Variants in PTPRE observed in about 807,000 individuals in gnomAD.
PTPRE encodes protein tyrosine phosphatase receptor type E, also known as receptor-type tyrosine-protein phosphatase epsilon.
Under a neutral mutation model 102.0 loss-of-function variants are expected in PTPRE, and 51 were observed. The observed-to-expected ratio is 0.50, with a 90% CI of 0.40 to 0.63. PTPRE has a LOEUF of 0.63. PTPRE is among the 30% of genes least tolerant of loss of function. PTPRE has a pLI of 0.00. For missense variants in PTPRE, 752 were observed against 915.1 expected, an observed-to-expected ratio of 0.82 and a Z score of 2.30; for synonymous variants, 345 against 348.2, an observed-to-expected ratio of 0.99 and a Z score of 0.10.
At chr10:127,995,840 C>CACAT (rs1328716451) in intron 2 of PTPRE, among the ~76,000 whole-genome samples, 2 of 151,738 alleles carry the variant, frequency 1.3e-5, no homozygotes, top group African/African-American at 2.4e-5. Context: ...CACACACACA[C>CACAT]ACACACACAC....
chr10:127,965,315 CT>C (rs72280254), intron 1 of PTPRE, among the ~76,000 whole-genome samples: 2,430 of 146,810 alleles, frequency 0.017, 39 homozygotes, highest in African/African-American at 0.053. Context: ...ATAGCTCAAT[CT>C]TTTTTTTTTT....
intron 2 of PTPRE, among the ~76,000 whole-genome samples, chr10:128,017,965 G>A (rs555026716): frequency 6.6e-6 from 1 of 152,222 alleles, no homozygotes; most frequent in Admixed American, 6.5e-5. Context: ...ACAGGGACAG[G>A]TGAGGGATAA....
Position 127,907,492 on chromosome 10 carries a change from C to T in PTPRE, c.-31+183C>T, listed in dbSNP as rs1383786371. Among the ~76,000 whole-genome samples, 1 of 151,500 alleles carries T rather than the reference C, an allele frequency of 6.6e-6. No individual in the cohort carries two copies. Among genetic ancestry groups the T allele is most frequent in the East Asian group, 2.0e-4 (1 of 5,084 alleles). The stretch of plus-strand genomic sequence containing the variant: ...GCGCCCAGTACCAGCGGCTGGGGCC[C>T]GTACGACCCCCGACCCCGGCCTGTG... On this transcript the variant is annotated intron_variant, in intron 1 of 20. Coordinates refer to ENST00000254667, the MANE Select transcript of PTPRE (RefSeq NM_006504.6). This position sits in a 1 kb window ranked among gnomAD's most constrained non-coding sequence, Gnocchi z 4.8.
At chr10:127,987,415 G>A in intron 2 of PTPRE, 1 of 1,148,790 alleles carries the variant, frequency 8.7e-7, no homozygotes, top group Non-Finnish European at 1.2e-6. Context: ...AGCTCAGAGG[G>A]GTCTTTCTTG....
intron 10 of PTPRE, among the ~76,000 whole-genome samples, chr10:128,063,774 A>G (rs889360588): frequency 9.2e-5 from 14 of 152,196 alleles, no homozygotes; most frequent in African/African-American, 3.4e-4. Context: ...GCTCTGTCCC[A>G]GGTGCAAGGA....
chr10:127,983,420 G>A (rs148114557), intron 2 of PTPRE, among the ~76,000 whole-genome samples: 1 of 152,200 alleles, frequency 6.6e-6, no homozygotes, highest in Non-Finnish European at 1.5e-5. Context: ...AAATGTCAGC[G>A]GTGGGATCAA....
At chr10:128,023,481 C>T (rs61873757) in intron 2 of PTPRE, among the ~76,000 whole-genome samples, 13,539 of 152,092 alleles carry the variant, frequency 0.089, 820 homozygotes, top group African/African-American at 0.18. Context: ...AGAGAGAGCA[C>T]GTTTACATGA....
intron 2 of PTPRE, among the ~76,000 whole-genome samples, chr10:128,003,390 G>A (rs1854172941): frequency 6.6e-6 from 1 of 152,028 alleles, no homozygotes; most frequent in African/African-American, 2.4e-5. Flanking sequence ...GTTAAAAAAT[G>A]TTTTCCAATA....
rs749391236 is a variant in PTPRE at position 128,070,830 on chromosome 10, T to C, written c.1316T>C (p.Met439Thr). 1.2e-6 allele frequency: 2 copies of C among 1,613,974 alleles called. No individual in the cohort carries two copies. The highest frequency in any genetic ancestry group is 4.5e-5 in the East Asian group (2 of 44,868). The change falls in exon 15 of 21, where the codon ATG becomes ACG. Residue 439 changes from methionine (M) to threonine (T), a missense_variant. Met to Thr is a moderately conservative substitution (Grantham distance 81). Around this residue, in one of 2 missense-constraint regions of PTPRE, gnomAD observed 636 missense variants for 824.4 expected, o/e 0.77. Transcript: ENST00000254667. This position sits in a 1 kb window ranked among gnomAD's most constrained non-coding sequence, Gnocchi z 4.8. The stretch of plus-strand genomic sequence containing the variant: ...CAGAAATTGACAAATGTCCGGATCA[T>C]GAAGGAGAACATGAGGACGGGCAAC... ...EFRKLTNVRI[M>T]KENMRTGNLP... is the part of the protein sequence containing the mutation.
chr10:128,054,360 G>A (rs1281646106), intron 6 of PTPRE, among the ~76,000 whole-genome samples: 3 of 151,930 alleles, frequency 2.0e-5, no homozygotes, highest in East Asian at 1.9e-4. Flanking sequence ...CAGTGCTGGG[G>A]CCAAAAAAAG....
intron 19 of PTPRE, among the ~76,000 whole-genome samples, chr10:128,079,077 T>C (rs1197866135): frequency 6.6e-6 from 1 of 152,204 alleles, no homozygotes; most frequent in Non-Finnish European, 1.5e-5. Context: ...TGGTTGTGAA[T>C]GTCCTTAAAC....
At chr10:128,037,451 G>A (rs1222849440) in intron 2 of PTPRE, among the ~76,000 whole-genome samples, 1 of 152,192 alleles carries the variant, frequency 6.6e-6, no homozygotes, top group Non-Finnish European at 1.5e-5. Context: ...GAGCATGGGA[G>A]TGGGGTATCA....
intron 3 of PTPRE, among the ~76,000 whole-genome samples, chr10:128,044,964 C>A (rs939716604): frequency 2.6e-5 from 4 of 152,256 alleles, no homozygotes; most frequent in Non-Finnish European, 5.9e-5. Context: ...ACTGTGGGCA[C>A]CCCTTGTGCT....
At chr10:128,024,693 C>T (rs1026160293) in intron 2 of PTPRE, among the ~76,000 whole-genome samples, 2 of 152,214 alleles carry the variant, frequency 1.3e-5, no homozygotes, top group Admixed American at 6.5e-5. Context: ...GCTGGTCCCA[C>T]CCCTCAGCAT....
chr10:128,046,058 A>AT (rs1848064421), intron 3 of PTPRE, among the ~76,000 whole-genome samples: 1 of 152,170 alleles, frequency 6.6e-6, no homozygotes, highest in African/African-American at 2.4e-5. Context: ...GAACTTCAAC[A>AT]TCTAATGGTC....
intron 2 of PTPRE, among the ~76,000 whole-genome samples, chr10:127,986,119 A>G (rs925147926): frequency 6.6e-6 from 1 of 152,206 alleles, no homozygotes; most frequent in Non-Finnish European, 1.5e-5. Flanking sequence ...GACATCCAAA[A>G]AAATGAGTCA....
chr10:128,070,794 C>T lies in PTPRE; in HGVS notation c.1294-14C>T. 1 of 1,609,632 alleles carries T rather than the reference C, an allele frequency of 6.2e-7. No individual in the cohort carries two copies. The highest frequency in any genetic ancestry group is 1.3e-5 in the African/African-American group (1 of 74,972). On this transcript the variant is annotated splice_polypyrimidine_tract_variant and intron_variant, in intron 14 of 20. Coordinates refer to ENST00000254667, the MANE Select transcript of PTPRE (RefSeq NM_006504.6). The surrounding 1 kb of genome is among the most constrained non-coding windows in gnomAD (Gnocchi z 4.8). The stretch of plus-strand genomic sequence containing the variant: ...AGAGGTTTAACTGTGTCATTATATC[C>T]TTCTCTGCTGCAGAAATTGACAAAT...
rs552376289 is a variant in PTPRE at position 128,075,612 on chromosome 10, A to C, written c.1600-991A>C. 7.2e-5 allele frequency among the ~76,000 whole-genome samples: 11 copies of C among 152,348 alleles called. No homozygotes were observed. The South Asian group carries it at 2.1e-3, about 29-fold the overall frequency. On this transcript the variant is annotated intron_variant, in intron 17 of 20. Transcript: ENST00000254667. Reference sequence around the variant, plus strand: ...TGTGAAAGTTTGAATTTGCAAGATAATTCCTAATTGCTTTCCAAAGTGGAC... The same window carrying C: ...TGTGAAAGTTTGAATTTGCAAGATACTTCCTAATTGCTTTCCAAAGTGGAC...
At chr10:128,068,498 C>T (rs1237089585) in intron 12 of PTPRE, 1 of 457,050 alleles carries the variant, frequency 2.2e-6, no homozygotes. Flanking sequence ...CGATAAAACC[C>T]ACCAAAGCCA....
Sources: gnomAD v4.1 joint callset for allele counts (sites outside exome capture counted in the v4.1 genomes callset) on GRCh38, gnomAD v4.1.1 for gene constraint, gnomAD v4.1.1 regional missense constraint, Gnocchi (gnomAD v3.1) non-coding constraint, MANE v1.5 for transcripts, NCBI Gene and HGNC (gene_info 2026-07-23, HGNC 2026-07-21) for gene names.